Variants in HMCN1 observed in about 807,000 individuals in gnomAD.
HMCN1 encodes hemicentin 1, also known as hemicentin-1.
HMCN1 carries 321 observed loss-of-function variants against 625.9 expected under a neutral mutation model. That is an observed-to-expected ratio of 0.51 (90% CI 0.47 to 0.56). The LOEUF is 0.56. Ranked by LOEUF, HMCN1 falls within the 20% of genes least tolerant of loss-of-function variation. The probability of loss-of-function intolerance (pLI) is 0.00; values close to 1 mark genes in which losing one functional copy is unlikely to be tolerated. For synonymous variants in HMCN1, 2,425 were observed against 2,417.6 expected, an observed-to-expected ratio of 1.00 and a Z score of -0.09; for missense variants, 6,588 against 6,887.3, an observed-to-expected ratio of 0.96 and a Z score of 1.54.
intron 15 of HMCN1, among the ~76,000 whole-genome samples, chr1:185,971,116 A>C (rs36110748): frequency 1.6e-3 from 242 of 152,328 alleles, no homozygotes; most frequent in Middle Eastern, 0.01. Context: ...ATTTGAACTC[A>C]AGTTGCTGTT....
chr1:186,019,424 A>G, intron 34 of HMCN1, 117 bp from the exon 35 acceptor site: 2 of 756,974 alleles, frequency 2.6e-6, no homozygotes, highest in Admixed American at 2.1e-5. Context: ...CATTGTTAAA[A>G]TAGGGATTTG....
chr1:185,766,073 T>C (rs1655852354), intron 1 of HMCN1, among the ~76,000 whole-genome samples: 1 of 152,236 alleles, frequency 6.6e-6, no homozygotes, highest in Admixed American at 6.6e-5. Flanking sequence ...AAATATATAA[T>C]TAAAACAAAC....
At chr1:186,116,972 T>G in intron 75 of HMCN1, 22 bp from the exon 76 acceptor site, 2 of 1,611,572 alleles carry the variant, frequency 1.2e-6, no homozygotes, top group Non-Finnish European at 8.5e-7. Context: ...TAGTATCTCA[T>G]GCTTTGAAAT....
intron 4 of HMCN1, among the ~76,000 whole-genome samples, chr1:185,866,695 C>T (rs889243198): frequency 8.6e-5 from 13 of 151,890 alleles, no homozygotes; most frequent in Non-Finnish European, 1.5e-4. Flanking sequence ...CATGAGCCAC[C>T]GCGTCTGGAC....
intron 43 of HMCN1, among the ~76,000 whole-genome samples, 182 bp downstream of exon 43, chr1:186,053,256 A>AT (rs893377825): frequency 1.3e-5 from 2 of 151,982 alleles, no homozygotes; most frequent in African/African-American, 4.8e-5. Context: ...CCCAGCTGAA[A>AT]TTTTTTATTT....
intron 1 of HMCN1, among the ~76,000 whole-genome samples, chr1:185,816,142 GAATTT>G: frequency 7.1e-6 from 1 of 140,420 alleles, no homozygotes; most frequent in African/African-American, 3.3e-5. Flanking sequence ...CATGATCATG[GAATTT>G]CTCACTCACT....
chr1:186,063,276 C>T (rs1657871994), intron 48 of HMCN1, among the ~76,000 whole-genome samples: 1 of 151,008 alleles, frequency 6.6e-6, no homozygotes, highest in Non-Finnish European at 1.5e-5. Context: ...AGGAAAAGTT[C>T]AGCTACTATA....
chr1:185,886,685 A>G (rs73058203), intron 4 of HMCN1, among the ~76,000 whole-genome samples: 9,656 of 152,092 alleles, frequency 0.063, 1,079 homozygotes, highest in African/African-American at 0.22. Flanking sequence ...TTTATTTAAT[A>G]CACTCCAATG....
intron 11 of HMCN1, among the ~76,000 whole-genome samples, chr1:185,959,533 A>C (rs940504216): frequency 1.1e-4 from 17 of 152,174 alleles, no homozygotes; most frequent in African/African-American, 4.1e-4. Context: ...TGTTATAATT[A>C]AATAAAAAGC....
intron 11 of HMCN1, among the ~76,000 whole-genome samples, chr1:185,951,341 C>G (rs28839870): frequency 0.029 from 4,357 of 148,134 alleles, 93 homozygotes; most frequent in African/African-American, 0.073. Flanking sequence ...GTTGGCACCA[C>G]AGCTGGGGAG....
In HMCN1 at chr1:186,189,920, A is replaced by G; in HGVS notation, c.*42A>G. On this transcript the variant is annotated 3_prime_UTR_variant, in exon 107 of 107. Coordinates refer to ENST00000271588, the MANE Select transcript of HMCN1 (RefSeq NM_031935.3). ...TATTCCACATATTTAAACCGCATTA[A>G]TCATGGCAATCAAGCCCCCTTCCAG... 1 of 1,606,030 alleles carries G rather than the reference A, an allele frequency of 6.2e-7. No homozygotes were observed. Among genetic ancestry groups the G allele is most frequent in the Non-Finnish European group, 8.5e-7 (1 of 1,176,386 alleles).
chr1:185,775,688 T>C (rs1656550972), intron 1 of HMCN1, among the ~76,000 whole-genome samples: 1 of 152,180 alleles, frequency 6.6e-6, no homozygotes, highest in Non-Finnish European at 1.5e-5. Context: ...TTGATGTAAC[T>C]AATTGATTGT....
intron 11 of HMCN1, among the ~76,000 whole-genome samples, chr1:185,942,048 A>T (rs1290536234): frequency 6.6e-6 from 1 of 151,776 alleles, no homozygotes; most frequent in Non-Finnish European, 1.5e-5. Context: ...AAAATTAGCC[A>T]GGCGTGGTGG....
In HMCN1 at chr1:186,003,895, T is replaced by C. The variant is rs766651079; in HGVS notation, c.4475+51T>C. 12 of 1,563,320 alleles carry C rather than the reference T, an allele frequency of 7.7e-6. No individual in the cohort carries two copies. The South Asian group carries it at 1.2e-4, about 16-fold the overall frequency. Reference sequence around the variant, plus strand: ...CAAGGTTTCAATGATAGGAAAAAGATGTGAAAAATGCATGTGGATTTTCTC... The same window carrying C: ...CAAGGTTTCAATGATAGGAAAAAGACGTGAAAAATGCATGTGGATTTTCTC... On this transcript the variant is annotated intron_variant, in intron 29 of 106. Coordinates refer to ENST00000271588, the MANE Select transcript of HMCN1 (RefSeq NM_031935.3).
intron 97 of HMCN1, among the ~76,000 whole-genome samples, chr1:186,164,787 C>T (rs908824856): frequency 2.0e-5 from 3 of 152,208 alleles, no homozygotes; most frequent in African/African-American, 4.8e-5. Flanking sequence ...GCTGGAAGAA[C>T]AGGACTTTGC....
intron 1 of HMCN1, among the ~76,000 whole-genome samples, chr1:185,790,279 A>G (rs1177077916): frequency 6.6e-6 from 1 of 152,240 alleles, no homozygotes; most frequent in Non-Finnish European, 1.5e-5. Flanking sequence ...TCCTTGTAAT[A>G]AAGCTACTAT....
chr1:186,157,489 C>CT (rs775842138), intron 97 of HMCN1, among the ~76,000 whole-genome samples: 276 of 151,482 alleles, frequency 1.8e-3, no homozygotes, highest in Non-Finnish European at 2.6e-3. Context: ...CATTAAGCAA[C>CT]TTTTTTTTTA....
rs1660958499 is a variant in HMCN1 at position 186,112,926 on chromosome 1, A to T, written c.11104A>T (p.Thr3702Ser). The T allele has an allele frequency of 1.9e-6, 3 of 1,614,132 alleles. No individual in the cohort carries two copies. In the South Asian group the frequency reaches 3.3e-5, roughly 18 times the overall value. ...TGCCAGCAACATTGCAGGAAAGACT[A>T]CAAGAGAATTTATTCTCACTGTAAA... ...CVASNIAGKT[T>S]REFILTVNVP... Residue 3702 changes from threonine (T) to serine (S), a missense_variant, in exon 72 of 107, where the codon ACA becomes TCA. Physicochemically the swap from Thr to Ser is moderately conservative, Grantham distance 58 (BLOSUM62 1). Transcript: ENST00000271588.
chr1:185,805,903 T>C (rs1659142767), intron 1 of HMCN1, among the ~76,000 whole-genome samples: 1 of 152,104 alleles, frequency 6.6e-6, no homozygotes, highest in Admixed American at 6.6e-5. Context: ...GCCACATTCA[T>C]GGTTAGGGCA....
Sources: gnomAD v4.1 joint callset for allele counts (sites outside exome capture counted in the v4.1 genomes callset) on GRCh38, gnomAD v4.1.1 for gene constraint, MANE v1.5 for transcripts, NCBI Gene and HGNC (gene_info 2026-07-23, HGNC 2026-07-21) for gene names.